USP6NL: variants seen among roughly 807,000 people sequenced by gnomAD.
USP6NL encodes USP6 N-terminal-like protein.
In USP6NL, 26 loss-of-function variants were observed where a neutral mutation model predicts 61.9. That is an observed-to-expected ratio of 0.42 (90% CI 0.31 to 0.58). The LOEUF (loss-of-function observed/expected upper bound fraction) is 0.58, where lower values mean the gene tolerates loss of function less well. USP6NL is among the 20% of genes least tolerant of loss of function. The pLI is 0.16. For missense variants in USP6NL, 1,114 were observed against 1,034.3 expected, an observed-to-expected ratio of 1.08 and a Z score of -1.06; for synonymous variants, 432 against 390.1, an observed-to-expected ratio of 1.11 and a Z score of -1.27.
chr10:11,537,844 G>A lies in USP6NL; in HGVS notation c.5-10277C>T, dbSNP rs957205948. Reference sequence around the variant, plus strand: ...TATTGCCCAAATGATTTCCCTTCCCGTCAGCTTCCCAGCTGCCACCTCAGC... The same window carrying A: ...TATTGCCCAAATGATTTCCCTTCCCATCAGCTTCCCAGCTGCCACCTCAGC... On this transcript the variant is annotated intron_variant, in intron 2 of 14. Coordinates refer to ENST00000609104, the MANE Select transcript of USP6NL (RefSeq NM_014688.5). This position sits in a 1 kb window ranked among gnomAD's most constrained non-coding sequence, Gnocchi z 5.1. 6.6e-5 allele frequency among the ~76,000 whole-genome samples: 10 copies of A among 151,774 alleles called. No homozygotes were observed. In the South Asian group the frequency reaches 1.0e-3, roughly 16 times the overall value.
At chr10:11,578,472 T>C (rs1262059221) in intron 2 of USP6NL, among the ~76,000 whole-genome samples, 1 of 152,196 alleles carries the variant, frequency 6.6e-6, no homozygotes, top group Non-Finnish European at 1.5e-5. Context: ...TTTAAGCCTT[T>C]TATAGATACT....
At chr10:11,551,644 G>A (rs1836493163) in intron 2 of USP6NL, among the ~76,000 whole-genome samples, 1 of 152,234 alleles carries the variant, frequency 6.6e-6, no homozygotes, top group Non-Finnish European at 1.5e-5. Context: ...TGGCTACTGA[G>A]TGGTGGTGCC....
rs148698156 is a variant in USP6NL at position 11,525,992 on chromosome 10, G to T, written c.73-524C>A. Reference sequence around the variant, plus strand: ...CTTCCAGCAGTCAGACCTGCTGCACGCTCTTCAGGCCTCATCTAACGGATC... The same window carrying T: ...CTTCCAGCAGTCAGACCTGCTGCACTCTCTTCAGGCCTCATCTAACGGATC... On this transcript the variant is annotated intron_variant, in intron 3 of 14. Transcript: ENST00000609104. The surrounding 1 kb of genome is among the most constrained non-coding windows in gnomAD (Gnocchi z 5.0). Among the ~76,000 whole-genome samples the T allele has an allele frequency of 6.6e-6, 1 of 151,448 alleles. No individual in the cohort carries two copies. Among genetic ancestry groups the T allele is most frequent in the African/African-American group, 2.4e-5 (1 of 41,384 alleles).
intron 8 of USP6NL, among the ~76,000 whole-genome samples, chr10:11,492,171 T>C (rs532734118): frequency 6.6e-6 from 1 of 152,282 alleles, no homozygotes; most frequent in South Asian, 2.1e-4. Context: ...AGCAGAATAA[T>C]GGTATCATGT....
chr10:11,542,470 G>C (rs748118871), intron 2 of USP6NL, among the ~76,000 whole-genome samples: 3 of 152,206 alleles, frequency 2.0e-5, no homozygotes, highest in Non-Finnish European at 4.4e-5. Context: ...TGTAATCCCA[G>C]CACTTTGGGA....
intron 14 of USP6NL, among the ~76,000 whole-genome samples, chr10:11,469,984 G>A (rs1832660130): frequency 6.6e-6 from 1 of 152,188 alleles, no homozygotes; most frequent in African/African-American, 2.4e-5. Flanking sequence ...TCTGAATAGT[G>A]TAATATTCTC....
At position 11,532,467 on chromosome 10, in the gene USP6NL, T is replaced by C. The variant is rs1315570864; in HGVS notation, c.5-4900A>G. Among the ~76,000 whole-genome samples the C allele has an allele frequency of 1.3e-5, 2 of 152,190 alleles. No homozygotes were observed. The highest frequency in any genetic ancestry group is 2.4e-5 in the African/African-American group (1 of 41,456). ...CTGTGGTTACACAGACTATATATTTTCAAACAAAGCTGATCATTGTTGAGG... is the reference window on the plus strand; with the variant it reads ...CTGTGGTTACACAGACTATATATTTCCAAACAAAGCTGATCATTGTTGAGG... On this transcript the variant is annotated intron_variant, in intron 2 of 14. Coordinates refer to ENST00000609104, the MANE Select transcript of USP6NL (RefSeq NM_014688.5). The surrounding 1 kb of genome is among the most constrained non-coding windows in gnomAD (Gnocchi z 4.1).
chr10:11,558,495 T>C (rs1836801630), intron 2 of USP6NL, among the ~76,000 whole-genome samples: 1 of 152,194 alleles, frequency 6.6e-6, no homozygotes, highest in Non-Finnish European at 1.5e-5. Flanking sequence ...TACACCTGAA[T>C]ACCTACAGGA....
intron 5 of USP6NL, among the ~76,000 whole-genome samples, chr10:11,515,632 A>G (rs141867081): frequency 6.6e-6 from 1 of 152,322 alleles, no homozygotes; most frequent in East Asian, 1.9e-4. Context: ...CCACTTGGGG[A>G]AAAACCGACA....
At chr10:11,464,649 T>A (rs1316618394) in intron 14 of USP6NL, among the ~76,000 whole-genome samples, 1 of 152,216 alleles carries the variant, frequency 6.6e-6, no homozygotes, top group Non-Finnish European at 1.5e-5. Context: ...CTCAATGTGT[T>A]AGATGTGAAC....
In USP6NL at chr10:11,486,071, A is replaced by C. The variant is rs532107711; in HGVS notation, c.665-160T>G. 1.6e-4 allele frequency among the ~76,000 whole-genome samples: 24 copies of C among 152,170 alleles called. No homozygotes were observed. The South Asian group carries it at 4.6e-3, about 29-fold the overall frequency. ...CCCCACCTAGGAAAAAACTGTATAT[A>C]AGCTTTGGGTAATGAAACTTTTAGC... is the stretch of plus-strand genomic sequence containing the variant. On this transcript the variant is annotated intron_variant, in intron 10 of 14. Transcript: ENST00000609104.
intron 2 of USP6NL, among the ~76,000 whole-genome samples, chr10:11,541,398 C>G (rs532717349): frequency 2.0e-5 from 3 of 151,334 alleles, no homozygotes; most frequent in South Asian, 4.2e-4. Context: ...CATTTAGTCT[C>G]CCCACATCAA....
chr10:11,576,979 T>A (rs1837569866), intron 2 of USP6NL, among the ~76,000 whole-genome samples: 1 of 152,106 alleles, frequency 6.6e-6, no homozygotes, highest in African/African-American at 2.4e-5. Flanking sequence ...AGTTTTCCTG[T>A]ACAAAAAACA....
At chr10:11,488,351 A>T (rs980865416) in intron 10 of USP6NL, among the ~76,000 whole-genome samples, 7 of 152,188 alleles carry the variant, frequency 4.6e-5, no homozygotes, top group African/African-American at 1.7e-4. Flanking sequence ...CCAGGTCAAG[A>T]CTGCAATGAG....
intron 1 of USP6NL, among the ~76,000 whole-genome samples, chr10:11,608,820 T>G (rs958218578): frequency 6.6e-6 from 1 of 152,230 alleles, no homozygotes; most frequent in Admixed American, 6.5e-5. Flanking sequence ...ATTGAGTCAT[T>G]TGCATGAGGT....
In USP6NL at chr10:11,485,130, T is replaced by G. The variant is rs919235127; in HGVS notation, c.825+39A>C. 6.5e-7 allele frequency: 1 copy of G among 1,536,982 alleles called. No homozygotes were observed. Among genetic ancestry groups the G allele is most frequent in the Non-Finnish European group, 8.8e-7 (1 of 1,142,082 alleles). On this transcript the variant is annotated intron_variant, in intron 12 of 14. Transcript: ENST00000609104. The surrounding 1 kb of genome is among the most constrained non-coding windows in gnomAD (Gnocchi z 4.8). Reference sequence around the variant, plus strand: ...TTAACAGCTTCCCCTCACCTTGTATTTATAATTTTATGACTGAGTTTTGTA... The same window carrying G: ...TTAACAGCTTCCCCTCACCTTGTATGTATAATTTTATGACTGAGTTTTGTA...
At position 11,491,364 on chromosome 10, in the gene USP6NL, G is replaced by A. The variant is rs1237802283; in HGVS notation, c.495-484C>T. Among the ~76,000 whole-genome samples, 1 of 152,206 alleles carries A rather than the reference G, an allele frequency of 6.6e-6. No individual in the cohort carries two copies. Among genetic ancestry groups the A allele is most frequent in the African/African-American group, 2.4e-5 (1 of 41,460 alleles). On this transcript the variant is annotated intron_variant, in intron 8 of 14. Transcript: ENST00000609104. The surrounding 1 kb of genome is among the most constrained non-coding windows in gnomAD (Gnocchi z 4.7). ...AGGATCCAAGATTCAAAGGCTGCAA[G>A]TAGGAGTGGCTCCACTCATCATTCT...
At position 11,597,501 on chromosome 10, in the gene USP6NL, G is replaced by C. The variant is rs1838367879; in HGVS notation, c.4+130C>G. On this transcript the variant is annotated intron_variant, in intron 2 of 14. Coordinates refer to ENST00000609104, the MANE Select transcript of USP6NL (RefSeq NM_014688.5). This position sits in a 1 kb window ranked among gnomAD's most constrained non-coding sequence, Gnocchi z 4.6. ...AACACAGACAAGCGCAGAGTGCTGG[G>C]TGGAACCACATTCAAACTCTGAATA... is the stretch of plus-strand genomic sequence containing the variant. The C allele has an allele frequency of 1.1e-6, 1 of 942,518 alleles. No individual in the cohort carries two copies. Among genetic ancestry groups the C allele is most frequent in the Admixed American group, 2.0e-5 (1 of 49,334 alleles). The allele number at this position is 942,518 out of a possible 1,614,324, so 58.4% of individuals were successfully genotyped here.
At position 11,525,225 on chromosome 10, in the gene USP6NL, C is replaced by A. The variant is rs1182658185; in HGVS notation, c.155+161G>T. 1.3e-5 allele frequency among the ~76,000 whole-genome samples: 2 copies of A among 152,064 alleles called. No individual in the cohort carries two copies. Among genetic ancestry groups the A allele is most frequent in the Non-Finnish European group, 2.9e-5 (2 of 68,010 alleles). ...ATCTTAAACAGTTAAATTTTAATCACAGAGTTGTTAAAAGAAACCTAGGAA... is the reference window on the plus strand; with the variant it reads ...ATCTTAAACAGTTAAATTTTAATCAAAGAGTTGTTAAAAGAAACCTAGGAA... On this transcript the variant is annotated intron_variant, in intron 4 of 14. Transcript: ENST00000609104. The surrounding 1 kb of genome is among the most constrained non-coding windows in gnomAD (Gnocchi z 5.0).
Sources: allele counts gnomAD v4.1 joint callset (sites outside exome capture counted in the v4.1 genomes callset), GRCh38; gene constraint gnomAD v4.1.1; non-coding constraint Gnocchi (gnomAD v3.1); transcripts MANE v1.5; gene names NCBI Gene and HGNC (gene_info 2026-07-23, HGNC 2026-07-21).